Variants in FYB2 observed in about 807,000 individuals in gnomAD.
FYB2 encodes FYN-binding protein 2.
A neutral mutation model predicts 94.1 loss-of-function variants in FYB2; 103 were observed. The observed-to-expected ratio is 1.09, with a 90% CI of 0.93 to 1.29. The LOEUF (loss-of-function observed/expected upper bound fraction) is 1.29. FYB2 is among the 50% of genes most tolerant of loss of function. FYB2 has a pLI of 0.00. For missense variants in FYB2, 896 were observed against 841.5 expected (o/e 1.06, Z -0.80); for synonymous variants, 293 against 287.9 (o/e 1.02, Z -0.18).
upstream of FYB2, chr1:56,824,624 C>A (rs945458316): frequency 5.3e-5 from 8 of 152,256 alleles, no homozygotes; most frequent in Admixed American, 5.2e-4. Context: ...CAGGTATGTG[C>A]ACATCCCAGT....
At chr1:56,778,840 T>A (rs1273185142) in intron 4 of FYB2, among the ~76,000 whole-genome samples, 1 of 152,198 alleles carries the variant, frequency 6.6e-6, no homozygotes. Context: ...ATATACTTAA[T>A]GAGGGCAGAC....
upstream of FYB2, among the ~76,000 whole-genome samples, chr1:56,822,996 TC>T (rs1417288839): frequency 2.0e-5 from 3 of 152,132 alleles, no homozygotes; most frequent in East Asian, 5.8e-4. Context: ...ATAATTTATA[TC>T]CTGACTGCTT....
chr1:56,761,082 T>C (rs1166906187), intron 5 of FYB2, among the ~76,000 whole-genome samples: 3 of 152,150 alleles, frequency 2.0e-5, no homozygotes, highest in Non-Finnish European at 4.4e-5. Flanking sequence ...TCCTCAGCAA[T>C]CCTCCAACTG....
chr1:56,726,555 G>C lies in FYB2; in HGVS notation c.1822C>G (p.Pro608Ala). 1.9e-6 allele frequency: 3 copies of C among 1,611,732 alleles called. No homozygotes were observed. In the South Asian group the frequency reaches 3.3e-5, roughly 18 times the overall value. Residue 608 changes from proline to alanine, a missense_variant, in exon 16 of 20, where the codon CCC becomes GCC. Pro to Ala is a conservative substitution (Grantham distance 27). Transcript: ENST00000343433. ...TTTTCCTTTGGTGTCAGAAACTTGG[G>C]CTTCCACATTTTCAGTTTATCTTCA... ...KDEDKLKMWK[P>A]KFLTPKEKKE...
chr1:56,792,266 T>C lies in FYB2; in HGVS notation c.547A>G (p.Arg183Gly). The C allele has an allele frequency of 6.2e-7, 1 of 1,612,370 alleles. No individual in the cohort carries two copies. Among genetic ancestry groups the C allele is most frequent in the Non-Finnish European group, 8.5e-7 (1 of 1,179,572 alleles). ...KGMGLTPEEP[R>G]KKLETKGAQT... is the part of the protein sequence containing the mutation. ...GCTCCTTTTGTTTCCAGCTTTTTCC[T>C]GGGTTCCTCTGGAGTAAGCCCCATG... is the stretch of plus-strand genomic sequence containing the variant. Residue 183 changes from arginine to glycine, a missense_variant, in exon 2 of 20, where the codon AGG (arginine) becomes GGG (glycine). Arg to Gly is a moderately radical substitution (Grantham distance 125). Coordinates refer to ENST00000343433, the MANE Select transcript of FYB2 (RefSeq NM_001004303.5).
chr1:56,743,879 G>A, intron 11 of FYB2, 147 bp downstream of exon 11: 1 of 765,450 alleles, frequency 1.3e-6, no homozygotes. Flanking sequence ...ATTGCTGTTA[G>A]CACATATCTT....
At chr1:56,736,245 G>T (rs1644827693) in intron 15 of FYB2, among the ~76,000 whole-genome samples, 1 of 151,968 alleles carries the variant, frequency 6.6e-6, no homozygotes, top group South Asian at 2.1e-4. Flanking sequence ...ATTTAACAAA[G>T]GAGTTATTAG....
chr1:56,786,402 C>A (rs914506175), intron 4 of FYB2, among the ~76,000 whole-genome samples: 1 of 152,178 alleles, frequency 6.6e-6, no homozygotes, highest in African/African-American at 2.4e-5. Context: ...CTTGTCCTTT[C>A]CTCTATTACA....
intron 8 of FYB2, among the ~76,000 whole-genome samples, chr1:56,753,570 G>A (rs1002546359): frequency 5.3e-5 from 8 of 152,074 alleles, no homozygotes; most frequent in African/African-American, 1.9e-4. Context: ...CTGAGAGTGG[G>A]TACTGCCTTA....
intron 5 of FYB2, among the ~76,000 whole-genome samples, chr1:56,759,814 G>T (rs540512211): frequency 6.6e-6 from 1 of 152,254 alleles, no homozygotes; most frequent in African/African-American, 2.4e-5. Context: ...CAGGTGTGGT[G>T]GCTCATGCCT....
At chr1:56,826,315 A>C in the FYB2 span, among the ~76,000 whole-genome samples, 2 of 152,162 alleles carry the variant, frequency 1.3e-5, no homozygotes, top group East Asian at 1.9e-4. Flanking sequence ...ATGACACTCC[A>C]CCATGGAAAA....
chr1:56,811,755 C>A (rs1025326315), intron 1 of FYB2, among the ~76,000 whole-genome samples: 1 of 144,698 alleles, frequency 6.9e-6, no homozygotes. Context: ...TTGTAATGGA[C>A]CAAACAAACA....
At chr1:56,795,937 G>C (rs1307274500) in intron 1 of FYB2, among the ~76,000 whole-genome samples, 1 of 152,178 alleles carries the variant, frequency 6.6e-6, no homozygotes. Flanking sequence ...TGTTCATTAA[G>C]TATCTACATA....
intron 4 of FYB2, among the ~76,000 whole-genome samples, chr1:56,775,096 C>T (rs1471427025): frequency 1.3e-5 from 2 of 152,058 alleles, no homozygotes; most frequent in Admixed American, 6.6e-5. Flanking sequence ...TGGGACTTCA[C>T]CTTGTGATCA....
intron 8 of FYB2, among the ~76,000 whole-genome samples, chr1:56,751,531 T>C (rs933125960): frequency 1.3e-5 from 2 of 152,014 alleles, no homozygotes; most frequent in African/African-American, 2.4e-5. Flanking sequence ...ATCAGTTCTC[T>C]TGATAAAGAG....
intron 11 of FYB2, among the ~76,000 whole-genome samples, chr1:56,742,704 T>A (rs182323432): frequency 6.4e-4 from 98 of 152,070 alleles, no homozygotes; most frequent in Admixed American, 4.8e-3. Context: ...TGAAACAGAG[T>A]CTAATGGAAA....
intron 4 of FYB2, among the ~76,000 whole-genome samples, chr1:56,786,769 T>G (rs1646140853): frequency 6.6e-6 from 1 of 152,186 alleles, no homozygotes; most frequent in African/African-American, 2.4e-5. Context: ...TTAAATGAAC[T>G]GACACTTCTG....
chr1:56,735,693 G>T (rs917592394), intron 15 of FYB2, among the ~76,000 whole-genome samples: 9 of 151,912 alleles, frequency 5.9e-5, no homozygotes, highest in African/African-American at 1.7e-4. Context: ...GCTTTATAAG[G>T]GGTTCTTTCC....
intron 5 of FYB2, among the ~76,000 whole-genome samples, chr1:56,760,952 A>C (rs1039206780): frequency 1.3e-5 from 2 of 152,174 alleles, no homozygotes; most frequent in Non-Finnish European, 2.9e-5. Context: ...GAATTATGAC[A>C]AGAGCATGTG....
Sources: allele counts gnomAD v4.1 joint callset (sites outside exome capture counted in the v4.1 genomes callset), GRCh38; gene constraint gnomAD v4.1.1; transcripts MANE v1.5; gene names NCBI Gene and HGNC (gene_info 2026-07-23, HGNC 2026-07-21).